CHRM3: variants seen among roughly 807,000 people sequenced by gnomAD.
The protein encoded by CHRM3 is cholinergic receptor muscarinic 3, also known as muscarinic acetylcholine receptor M3.
Under a neutral mutation model 41.8 loss-of-function variants are expected in CHRM3, and 11 were observed. The observed-to-expected ratio is 0.26, with a 90% CI of 0.17 to 0.44. CHRM3 has a LOEUF of 0.44. Ranked by LOEUF, CHRM3 falls within the 20% of genes least tolerant of loss-of-function variation. The pLI is 1.00. For synonymous variants in CHRM3, 297 were observed against 301.4 expected, an observed-to-expected ratio of 0.99 and a Z score of 0.15; for missense variants, 571 against 745.4, an observed-to-expected ratio of 0.77 and a Z score of 2.72.
At chr1:239,852,620 A>G (rs929630393) in intron 6 of CHRM3, among the ~76,000 whole-genome samples, 2 of 152,186 alleles carry the variant, frequency 1.3e-5, no homozygotes, top group African/African-American at 4.8e-5. Context: ...TCTTCAGGAA[A>G]TAATGTGTGA....
intron 2 of CHRM3, among the ~76,000 whole-genome samples, chr1:239,515,465 A>G (rs1490991183): frequency 6.7e-6 from 1 of 148,282 alleles, no homozygotes; most frequent in African/African-American, 2.5e-5. Flanking sequence ...AATATATATT[A>G]TCTAACCTTA....
chr1:239,652,087 T>C (rs1272171491), intron 4 of CHRM3, among the ~76,000 whole-genome samples: 1 of 152,126 alleles, frequency 6.6e-6, no homozygotes, highest in East Asian at 1.9e-4. Flanking sequence ...TTTGTAAGCC[T>C]GCTTATAGAA....
intron 2 of CHRM3, among the ~76,000 whole-genome samples, chr1:239,499,226 T>TA (rs1223585405): frequency 6.6e-6 from 1 of 152,174 alleles, no homozygotes; most frequent in East Asian, 1.9e-4. Flanking sequence ...CATTCGGTGC[T>TA]ATTTCATGCC....
intron 6 of CHRM3, among the ~76,000 whole-genome samples, chr1:239,835,446 T>G (rs187973188): frequency 1.3e-5 from 2 of 152,134 alleles, no homozygotes; most frequent in South Asian, 4.1e-4. Flanking sequence ...GGAAAAAGAT[T>G]GTTTGGGCAA....
chr1:239,512,615 C>T (rs750037970), intron 2 of CHRM3, among the ~76,000 whole-genome samples: 1 of 151,964 alleles, frequency 6.6e-6, no homozygotes, highest in Non-Finnish European at 1.5e-5. Context: ...TCTTCTTCCT[C>T]CCACCCTTCT....
chr1:239,562,357 G>C (rs572050938), intron 3 of CHRM3, among the ~76,000 whole-genome samples: 1 of 152,194 alleles, frequency 6.6e-6, no homozygotes, highest in African/African-American at 2.4e-5. Context: ...CAGATAAAGA[G>C]CTGGCTTCTG....
chr1:239,814,854 C>T (rs924214550), intron 5 of CHRM3, among the ~76,000 whole-genome samples: 1 of 152,210 alleles, frequency 6.6e-6, no homozygotes, highest in Non-Finnish European at 1.5e-5. Flanking sequence ...GCAGTCTCGG[C>T]TCACGGCAAC....
chr1:239,669,684 G>A (rs1674169054), intron 4 of CHRM3, among the ~76,000 whole-genome samples: 1 of 151,918 alleles, frequency 6.6e-6, no homozygotes, highest in African/African-American at 2.4e-5. Flanking sequence ...CATGACCAGG[G>A]GATAATAACG....
At chr1:239,619,461 T>G (rs1668111208) in intron 3 of CHRM3, among the ~76,000 whole-genome samples, 1 of 152,172 alleles carries the variant, frequency 6.6e-6, no homozygotes. Context: ...CTTTCTAGTA[T>G]TTAAGAATGT....
intron 4 of CHRM3, among the ~76,000 whole-genome samples, chr1:239,640,666 ATTAGTCTTGCTAGC>A (rs1422011785): frequency 2.0e-5 from 3 of 147,988 alleles, no homozygotes; most frequent in Non-Finnish European, 4.5e-5. Flanking sequence ...TTTTTTCTTT[ATTAGTCTTGCTAGC>A]AGTCTATCAA....
At chr1:239,513,537 C>T (rs887721077) in intron 2 of CHRM3, among the ~76,000 whole-genome samples, 5 of 151,926 alleles carry the variant, frequency 3.3e-5, no homozygotes, top group African/African-American at 9.7e-5. Flanking sequence ...TACCTTTATC[C>T]GATACATGTT....
At chr1:239,895,283 G>A (rs12034276) in intron 6 of CHRM3, among the ~76,000 whole-genome samples, 23,484 of 151,816 alleles carry the variant, frequency 0.15, 2,195 homozygotes, top group African/African-American at 0.26. Context: ...TCCCTCCCGA[G>A]TGCCACTGGG....
At chr1:239,436,481 G>A (rs1406067986) in intron 1 of CHRM3, among the ~76,000 whole-genome samples, 2 of 151,950 alleles carry the variant, frequency 1.3e-5, no homozygotes, top group Non-Finnish European at 2.9e-5. Context: ...TTTTCTTGTG[G>A]GCAGCACGGT....
chr1:239,824,262 C>A (rs1189143289), intron 5 of CHRM3, among the ~76,000 whole-genome samples: 1 of 152,144 alleles, frequency 6.6e-6, no homozygotes, highest in Non-Finnish European at 1.5e-5. Flanking sequence ...CGGCAGAGAA[C>A]AACCGTCAGC....
chr1:239,469,784 T>G (rs556787890), intron 1 of CHRM3, among the ~76,000 whole-genome samples: 1 of 152,158 alleles, frequency 6.6e-6, no homozygotes, highest in Non-Finnish European at 1.5e-5. Flanking sequence ...CCCAAGTTCC[T>G]GACCTCAGGT....
At chr1:239,592,844 G>A (rs1572833641) in intron 3 of CHRM3, among the ~76,000 whole-genome samples, 2 of 151,890 alleles carry the variant, frequency 1.3e-5, no homozygotes, top group East Asian at 3.9e-4. Context: ...TGGGTCCATT[G>A]CATCGTTTTG....
intron 5 of CHRM3, among the ~76,000 whole-genome samples, chr1:239,695,219 C>T (rs1039729357): frequency 2.0e-5 from 3 of 152,100 alleles, no homozygotes; most frequent in African/African-American, 7.2e-5. Flanking sequence ...ACCATGTTGG[C>T]CAGGATGGTG....
intron 5 of CHRM3, among the ~76,000 whole-genome samples, chr1:239,765,266 G>T (rs779200762): frequency 5.9e-5 from 9 of 152,148 alleles, no homozygotes; most frequent in Non-Finnish European, 1.3e-4. Context: ...GCAACCTAGG[G>T]ATCTATCTCT....
At chr1:239,411,488 AG>A (rs1185566764) in intron 1 of CHRM3, among the ~76,000 whole-genome samples, 7 of 152,042 alleles carry the variant, frequency 4.6e-5, no homozygotes, top group Non-Finnish European at 1.0e-4. Flanking sequence ...GCACTTTGGG[AG>A]GCCGAGGTGG....
Sources: gnomAD v4.1 joint callset for allele counts (sites outside exome capture counted in the v4.1 genomes callset) on GRCh38, gnomAD v4.1.1 for gene constraint, MANE v1.5 for transcripts, NCBI Gene and HGNC (gene_info 2026-07-23, HGNC 2026-07-21) for gene names.